The following ARFGEF1 variants were observed in gnomAD, a reference collection of about 807,000 sequenced individuals.
ARFGEF1 encodes the protein ARF guanine nucleotide exchange factor 1.
In ARFGEF1, 42 loss-of-function variants were observed where a neutral mutation model predicts 231.0. The observed-to-expected ratio is 0.18, with a 90% CI of 0.14 to 0.24. The LOEUF (loss-of-function observed/expected upper bound fraction) is 0.24, where lower values mean the gene tolerates loss of function less well. ARFGEF1 is among the 10% of genes least tolerant of loss of function. The pLI, the probability that ARFGEF1 is intolerant of heterozygous loss-of-function variation, is 1.00. For synonymous variants in ARFGEF1, 710 were observed against 732.3 expected (o/e 0.97, Z 0.49); for missense variants, 1,345 against 2,192.0 (o/e 0.61, Z 7.72).
In ARFGEF1 at chr8:67,197,705, C is replaced by T; in HGVS notation, c.*1229G>A. The T allele has an allele frequency of 1.0e-6, 1 of 985,666 alleles. No individual in the cohort carries two copies. The highest frequency in any genetic ancestry group is 1.2e-6 in the Non-Finnish European group (1 of 829,872). The allele number at this position is 985,666 out of a possible 1,614,324, so 61.1% of individuals were successfully genotyped here. A position where few individuals can be genotyped will look rare whatever the true frequency, so the allele number is the denominator to read the frequency against. On this transcript the variant is annotated 3_prime_UTR_variant, in exon 39 of 39. Coordinates refer to ENST00000262215, the MANE Select transcript of ARFGEF1 (RefSeq NM_006421.5). ...ATTCAAAAACTTTATTGACCTATAACCTGATTAGAATATGCCAGATGGGAA... is the reference window on the plus strand; with the variant it reads ...ATTCAAAAACTTTATTGACCTATAATCTGATTAGAATATGCCAGATGGGAA...
intron 34 of ARFGEF1, among the ~76,000 whole-genome samples, chr8:67,206,874 T>C (rs766930739): frequency 3.3e-5 from 5 of 152,226 alleles, no homozygotes; most frequent in Non-Finnish European, 5.9e-5. Context: ...CTTTCTACTA[T>C]GAAAAACATT....
intron 1 of ARFGEF1, among the ~76,000 whole-genome samples, chr8:67,306,524 A>G (rs1386552964): frequency 6.6e-6 from 1 of 151,606 alleles, no homozygotes. Flanking sequence ...TCCCCTCATA[A>G]TATTATTTTT....
At chr8:67,227,387 T>C (rs1454144302) in intron 26 of ARFGEF1, 60 bp downstream of exon 26, 1 of 1,598,486 alleles carries the variant, frequency 6.3e-7, no homozygotes, top group African/African-American at 1.3e-5. Flanking sequence ...TCTGTTTTTC[T>C]CCCTGCTGTG....
intron 5 of ARFGEF1, chr8:67,179,918 CTTT>C: frequency 6.5e-7 from 1 of 1,548,912 alleles, no homozygotes; most frequent in Non-Finnish European, 8.9e-7. Flanking sequence ...TCTGATAGTG[CTTT>C]TATTGGTGAG....
At chr8:67,324,243 G>A (rs529467260) in intron 1 of ARFGEF1, among the ~76,000 whole-genome samples, 6 of 152,260 alleles carry the variant, frequency 3.9e-5, no homozygotes, top group Admixed American at 6.5e-5. Flanking sequence ...GCAGTGAGGC[G>A]GGATCGCGCC....
chr8:67,338,193 C>T (rs6472297), intron 1 of ARFGEF1, among the ~76,000 whole-genome samples: 43,063 of 151,998 alleles, frequency 0.28, 6,230 homozygotes, highest in East Asian at 0.38. Context: ...CTCCTTATTT[C>T]GGACTTTCTT....
In ARFGEF1 at chr8:67,184,747, A is replaced by T. The variant is rs569244174; in HGVS notation, c.561-9175T>A. Among the ~76,000 whole-genome samples, 50 of 146,146 alleles carry T rather than the reference A, an allele frequency of 3.4e-4. 1 individual carries two copies. The East Asian group carries it at 8.3e-3, about 24-fold the overall frequency. ...TAAAAAAATAATAATAAAAAAATAT[A>T]ATAATAATAATAATAATAATAAAGG... On this transcript the variant is annotated intron_variant, in intron 5 of 5. Transcript: ENST00000518789.
At chr8:67,228,338 G>T in intron 23 of ARFGEF1, 74 bp from the exon 24 acceptor site, 1 of 1,378,728 alleles carries the variant, frequency 7.3e-7, no homozygotes, top group East Asian at 2.3e-5. Context: ...TATGTGGCAT[G>T]GGGTACTAGC....
rs533651849 is a variant in ARFGEF1, at chr8:67,310,653, A to T, written c.125-8187T>A. Among the ~76,000 whole-genome samples, 295 of 151,134 alleles carry T rather than the reference A, an allele frequency of 2.0e-3. 4 individuals are homozygous for T. Among genetic ancestry groups the T allele is most frequent in the African/African-American group, 6.8e-3 (280 of 41,006 alleles). On this transcript the variant is annotated intron_variant, in intron 1 of 38. Transcript: ENST00000262215. ...CCACCATCACATCTAGGAAGTGAGG[A>T]GCGTCTCTGCCCGGCCGCCCATCGT...
At chr8:67,213,965 A>G (rs1029798811) in intron 33 of ARFGEF1, among the ~76,000 whole-genome samples, 11 of 152,248 alleles carry the variant, frequency 7.2e-5, no homozygotes, top group African/African-American at 2.7e-4. Flanking sequence ...ATGAAATGGA[A>G]TGTGGCTGTA....
chr8:67,311,422 T>G (rs1355925858), intron 1 of ARFGEF1, among the ~76,000 whole-genome samples: 143 of 88,352 alleles, frequency 1.6e-3, no homozygotes, highest in South Asian at 4.1e-3. Context: ...AGGTGGGGGG[T>G]CAGCCCCCCG....
intron 9 of ARFGEF1, among the ~76,000 whole-genome samples, chr8:67,275,139 T>A (rs1004666464): frequency 2.0e-5 from 3 of 152,096 alleles, no homozygotes; most frequent in African/African-American, 7.2e-5. Flanking sequence ...AAGTACCGTT[T>A]CCTTACATCT....
intron 7 of ARFGEF1, among the ~76,000 whole-genome samples, chr8:67,282,195 G>C (rs1221068567): frequency 6.6e-6 from 1 of 151,954 alleles, no homozygotes; most frequent in Non-Finnish European, 1.5e-5. Context: ...GTACTATAAA[G>C]CCAAAATATT....
chr8:67,188,739 GATCC>G (rs1402385088), intron 5 of ARFGEF1, among the ~76,000 whole-genome samples: 1 of 152,130 alleles, frequency 6.6e-6, no homozygotes, highest in South Asian at 2.1e-4. Context: ...CTACACTTCT[GATCC>G]AGCGGGGTGG....
At chr8:67,310,904 C>A (rs1806986923) in intron 1 of ARFGEF1, among the ~76,000 whole-genome samples, 1 of 151,754 alleles carries the variant, frequency 6.6e-6, no homozygotes, top group Admixed American at 6.6e-5. Flanking sequence ...CACCCGGCAG[C>A]CACCCCATCT....
chr8:67,242,351 G>C (rs908512242), intron 19 of ARFGEF1, among the ~76,000 whole-genome samples: 1 of 152,214 alleles, frequency 6.6e-6, no homozygotes. Flanking sequence ...ACTTTGTCTT[G>C]CATCTCTAAA....
chr8:67,207,108 G>A (rs916499450), intron 34 of ARFGEF1: 15 of 152,012 alleles, frequency 9.9e-5, no homozygotes, highest in African/African-American at 2.7e-4. Context: ...TAAGTCCTAC[G>A]GTTATCTCTT....
In ARFGEF1 at chr8:67,217,925, G is replaced by A. The variant is rs147059467; in HGVS notation, c.4475-5C>T. On this transcript the variant is annotated splice_region_variant and splice_polypyrimidine_tract_variant and intron_variant, in intron 31 of 38. Transcript: ENST00000262215. ...ATCGCGCTAACTGCTCATTGTCTAG[G>A]AAAGAAAAGAGCAATTCATTTATAT... The A allele has an allele frequency of 1.2e-6, 2 of 1,613,384 alleles. No individual in the cohort carries two copies. Among genetic ancestry groups the A allele is most frequent in the African/African-American group, 1.3e-5 (1 of 74,946 alleles).
In ARFGEF1 at chr8:67,198,259, T is replaced by TA. The variant is rs559085339; in HGVS notation, c.*674dup. On this transcript the variant is annotated 3_prime_UTR_variant, in exon 39 of 39. Transcript: ENST00000262215. ...GGCAAAACTAAAAATCCCTATAAAA[T>TA]AAAAAAGAAAGTTCCACCCAAATGT... 24 of 985,584 alleles carry TA rather than the reference T, an allele frequency of 2.4e-5. No individual in the cohort carries two copies. The South Asian group carries it at 1.1e-3, about 44-fold the overall frequency. 61.1% of individuals were successfully genotyped at this position (985,584 alleles called of 1,614,324 possible).
Sources: allele counts gnomAD v4.1 joint callset (sites outside exome capture counted in the v4.1 genomes callset), GRCh38; gene constraint gnomAD v4.1.1; transcripts MANE v1.5; gene names NCBI Gene and HGNC (gene_info 2026-07-23, HGNC 2026-07-21).